The following QPCTL variants were observed in gnomAD, a reference collection of about 807,000 sequenced individuals.
QPCTL encodes glutaminyl-peptide cyclotransferase-like protein.
In QPCTL, 31 loss-of-function variants were observed where a neutral mutation model predicts 34.6. That is an observed-to-expected ratio of 0.90 (90% CI 0.67 to 1.21). The LOEUF is 1.21. QPCTL is among the 50% of genes most tolerant of loss of function. The pLI, the probability that QPCTL is intolerant of heterozygous loss-of-function variation, is 0.00. For synonymous variants in QPCTL, 223 were observed against 226.9 expected (o/e 0.98, Z 0.15); for missense variants, 474 against 507.8 (o/e 0.93, Z 0.64).
intron 2 of QPCTL, among the ~76,000 whole-genome samples, chr19:45,694,757 C>A (rs1967657789): frequency 6.6e-6 from 1 of 152,104 alleles, no homozygotes; most frequent in Non-Finnish European, 1.5e-5. Flanking sequence ...GCGTGAGCCA[C>A]CGCGCCCGGC....
intron 5 of QPCTL, among the ~76,000 whole-genome samples, chr19:45,701,000 G>C (rs1358146128): frequency 6.6e-6 from 1 of 151,220 alleles, no homozygotes; most frequent in Admixed American, 6.6e-5. Flanking sequence ...CAGACATAGT[G>C]GCTCATGCCT....
intron 6 of QPCTL, 54 bp downstream of exon 6, chr19:45,701,968 G>C (rs1600346030): frequency 6.9e-7 from 1 of 1,452,272 alleles, no homozygotes; most frequent in African/African-American, 1.4e-5. Context: ...CCACAAATTG[G>C]AACTGGCCAA....
intron 5 of QPCTL, 37 bp downstream of exon 5, chr19:45,698,937 G>T: frequency 6.4e-7 from 1 of 1,569,232 alleles, no homozygotes; most frequent in Non-Finnish European, 8.8e-7. Flanking sequence ...CAGCCCACCT[G>T]GGGTATGGGG....
chr19:45,695,387 C>G, intron 2 of QPCTL, 50 bp from the exon 3 acceptor site: 2 of 1,536,942 alleles, frequency 1.3e-6, no homozygotes, highest in Non-Finnish European at 1.8e-6. Context: ...CCCTTCTCCC[C>G]ACCTCCTCCC....
At position 45,702,306 on chromosome 19, in the gene QPCTL, C is replaced by CA. The variant is rs1325025529; in HGVS notation, c.1003+399dup. Among the ~76,000 whole-genome samples, 10 of 151,350 alleles carry CA rather than the reference C, an allele frequency of 6.6e-5. No individual in the cohort carries two copies. The South Asian group carries it at 1.9e-3, about 28-fold the overall frequency. On this transcript the variant is annotated intron_variant, in intron 6 of 6. Coordinates refer to ENST00000012049, the MANE Select transcript of QPCTL (RefSeq NM_017659.4). ...ATAAATCTTGTCTTTACTAAAAATA[C>CA]AAAAAAATTAGCCGGGCATGGTGGT...
chr19:45,698,876 T>C lies in QPCTL; in HGVS notation c.862T>C (p.Trp288Arg). 6.2e-7 allele frequency: 1 copy of C among 1,613,986 alleles called. No individual in the cohort carries two copies. Among genetic ancestry groups the C allele is most frequent in the Non-Finnish European group, 8.5e-7 (1 of 1,179,946 alleles). The change falls in exon 5 of 7, where the codon TGG becomes CGG. Residue 288 changes from tryptophan to arginine, a missense_variant. Trp to Arg is a moderately radical substitution (Grantham distance 101, BLOSUM62 -3). Transcript: ENST00000012049. ...FYSHFPRTVR[W>R]FHRLRSIEKR... is the part of the protein sequence containing the mutation. ...CAGCCACTTCCCTCGCACGGTCCGC[T>C]GGTTCCATCGGCTGAGGAGCATTGG...
At chr19:45,699,012 C>T in intron 5 of QPCTL, 112 bp downstream of exon 5, 1 of 838,630 alleles carries the variant, frequency 1.2e-6, no homozygotes, top group Non-Finnish European at 1.9e-6. Flanking sequence ...CCAGTCTGGG[C>T]CACATAGGGA....
chr19:45,699,513 TA>T (rs1208800320), intron 5 of QPCTL, among the ~76,000 whole-genome samples: 19 of 150,922 alleles, frequency 1.3e-4, no homozygotes, highest in African/African-American at 4.6e-4. Context: ...AAAAATAAAA[TA>T]AAGGCTGGGC....
intron 1 of QPCTL, 62 bp downstream of exon 1, chr19:45,692,972 G>A (rs1312568738): frequency 1.4e-6 from 2 of 1,476,974 alleles, no homozygotes; most frequent in East Asian, 2.5e-5. Flanking sequence ...CTGTTACCCA[G>A]GGTTGACGTG....
intron 1 of QPCTL, 28 bp from the exon 2 acceptor site, chr19:45,693,385 C>G: frequency 6.3e-7 from 1 of 1,593,454 alleles, no homozygotes; most frequent in Non-Finnish European, 8.6e-7. Flanking sequence ...TCTCATTCTT[C>G]CCTTCCCTAT....
intron 3 of QPCTL, 130 bp downstream of exon 3, chr19:45,695,848 CTTTT>C (rs34362798): frequency 6.8e-5 from 58 of 856,418 alleles, no homozygotes; most frequent in East Asian, 1.3e-4. Flanking sequence ...CCACAGGGAT[CTTTT>C]TTTTTTTTTT....
chr19:45,692,695 A>G lies in QPCTL; in HGVS notation c.-9A>G. ...CGTGGTCTGGTACAGGTTTCAGGGC[A>G]AAGCGGCCATGCGTTCCGGGGGCCG... On this transcript the variant is annotated 5_prime_UTR_variant, in exon 1 of 7. Coordinates refer to ENST00000012049, the MANE Select transcript of QPCTL (RefSeq NM_017659.4). The G allele has an allele frequency of 6.5e-7, 1 of 1,532,138 alleles. No homozygotes were observed. Among genetic ancestry groups the G allele is most frequent in the Non-Finnish European group, 8.8e-7 (1 of 1,137,496 alleles). 94.9% of individuals were successfully genotyped at this position (1,532,138 alleles called of 1,614,324 possible). A position where few individuals can be genotyped will look rare whatever the true frequency, so the allele number is the denominator to read the frequency against.
At position 45,693,376 on chromosome 19, in the gene QPCTL, C is replaced by A. The variant is rs2302593; in HGVS notation, c.208-37C>A. ...GTAGGGTTGAAATGGGGGGGTTGCT[C>A]TCATTCTTCCCTTCCCTATCCCACC... On this transcript the variant is annotated intron_variant, in intron 1 of 6. Coordinates refer to ENST00000012049, the MANE Select transcript of QPCTL (RefSeq NM_017659.4). 1.7e-5 allele frequency: 27 copies of A among 1,574,154 alleles called. No homozygotes were observed. The East Asian group carries it at 5.9e-4, about 35-fold the overall frequency.
chr19:45,697,019 T>C (rs1029923309), intron 3 of QPCTL, among the ~76,000 whole-genome samples: 1 of 149,994 alleles, frequency 6.7e-6, no homozygotes, highest in African/African-American at 2.5e-5. Flanking sequence ...ACTTGGGAGG[T>C]TGAGACAGGA....
chr19:45,699,805 G>T (rs972114983), intron 5 of QPCTL, among the ~76,000 whole-genome samples: 1 of 151,846 alleles, frequency 6.6e-6, no homozygotes, highest in Non-Finnish European at 1.5e-5. Flanking sequence ...GGTGACATGT[G>T]CCTGTAATCC....
At chr19:45,697,568 C>T (rs1295861721) in intron 3 of QPCTL, among the ~76,000 whole-genome samples, 1 of 152,156 alleles carries the variant, frequency 6.6e-6, no homozygotes, top group Admixed American at 6.6e-5. Context: ...CTAAACCTTC[C>T]GTACCCCTCT....
intron 5 of QPCTL, among the ~76,000 whole-genome samples, chr19:45,700,694 C>CT (rs1207007764): frequency 1.3e-5 from 2 of 151,832 alleles, no homozygotes; most frequent in Admixed American, 6.6e-5. Context: ...GGCCTGGTGG[C>CT]TCATGCCTGT....
rs753472824 is a variant in QPCTL, at chr19:45,702,963, G to A, written c.1063G>A (p.Asp355Asn). 1 of 1,614,012 alleles carries A rather than the reference G, an allele frequency of 6.2e-7. No homozygotes were observed. Among genetic ancestry groups the A allele is most frequent in the Non-Finnish European group, 8.5e-7 (1 of 1,180,002 alleles). ...PFPAVWHTPA[D>N]TEVNLHPPTV... is the part of the protein sequence containing the mutation. ...CCCTGCTGTCTGGCACACCCCTGCG[G>A]ACACCGAGGTCAATCTCCACCCACC... The change falls in exon 7 of 7, where the codon GAC becomes AAC. Residue 355 changes from aspartate (D) to asparagine (N), a missense_variant. Transcript: ENST00000012049.
At chr19:45,699,029 ATC>A in intron 5 of QPCTL, 129 bp downstream of exon 5, 3 of 508,424 alleles carry the variant, frequency 5.9e-6, no homozygotes, top group East Asian at 3.8e-5. Context: ...GGGAGACCCC[ATC>A]TTTTTTTTTT....
Sources: allele counts gnomAD v4.1 joint callset (sites outside exome capture counted in the v4.1 genomes callset), GRCh38; gene constraint gnomAD v4.1.1; transcripts MANE v1.5; gene names NCBI Gene and HGNC (gene_info 2026-07-23, HGNC 2026-07-21).